The following ZNF16 variants were observed in gnomAD, a reference collection of about 807,000 sequenced individuals.
ZNF16 encodes the protein zinc finger protein 16, also known as zinc finger protein KOX9.
Under a neutral mutation model 9.0 loss-of-function variants are expected in ZNF16, and 7 were observed. The ratio of observed to expected loss-of-function variants is 0.78; its 90% CI spans 0.44 to 1.47. The LOEUF (loss-of-function observed/expected upper bound fraction) is 1.47. Among genes scored for constraint, ZNF16 ranks in the 40% most tolerant of loss-of-function variants. ZNF16 has a pLI of 0.01. For synonymous variants in ZNF16, 312 were observed against 301.5 expected (o/e 1.03, Z -0.36); for missense variants, 830 against 854.2 (o/e 0.97, Z 0.35).
chr8:144,945,984 A>T, intron 2 of ZNF16, 27 bp downstream of exon 2: 2 of 1,611,902 alleles, frequency 1.2e-6, no homozygotes, highest in Non-Finnish European at 1.7e-6. Flanking sequence ...GAATAAGGGC[A>T]CCAGCGGAGA....
chr8:144,950,193 C>CT (rs1011638063), intron 1 of ZNF16, among the ~76,000 whole-genome samples: 44 of 149,726 alleles, frequency 2.9e-4, no homozygotes, highest in South Asian at 6.3e-4. Flanking sequence ...TGCTCACATG[C>CT]TTTTTTTTGC....
Position 144,932,692 on chromosome 8 carries a change from G to A in ZNF16, c.197-102C>T. ...CCACTAACTGTGGAGGAGGCAAGGG[G>A]AGCAGGGGATCCTCTGGGGTGGCAG... On this transcript the variant is annotated intron_variant, in intron 2 of 2. Transcript: ENST00000394909. The surrounding 1 kb of genome is among the most constrained non-coding windows in gnomAD (Gnocchi z 5.0). 2.3e-6 allele frequency: 3 copies of A among 1,284,712 alleles called. No individual in the cohort carries two copies. The allele number at this position is 1,284,712 out of a possible 1,614,324, so 79.6% of individuals were successfully genotyped here.
At chr8:144,943,381 A>G (rs1429343408) in intron 2 of ZNF16, among the ~76,000 whole-genome samples, 2 of 152,102 alleles carry the variant, frequency 1.3e-5, no homozygotes, top group African/African-American at 4.8e-5. Context: ...CATGTCTTTC[A>G]TCACATTGGG....
intron 1 of ZNF16, 82 bp from the exon 2 acceptor site, chr8:144,946,297 C>G: frequency 1.5e-6 from 2 of 1,301,144 alleles, no homozygotes; most frequent in Non-Finnish European, 2.0e-6. Flanking sequence ...GGGGTCTCTT[C>G]CTCCACCCCT....
rs777955373 is a variant in ZNF16, at chr8:144,930,981, G to C, written c.1806C>G (p.Thr602=). 17 of 1,614,002 alleles carry C rather than the reference G, an allele frequency of 1.1e-5. No individual in the cohort carries two copies. Among genetic ancestry groups the C allele is most frequent in the Admixed American group, 1.0e-4 (6 of 60,008 alleles). ...TGAAGCCCTTACCACATTCAACACA[G>C]GTGTAGGGTTTTTCCCCAGTATGAA... ...QKVHTGEKPY[T]CVECGKGFSQ... Residue 602 remains threonine (T), a synonymous_variant, in exon 3 of 3, where the codon ACC becomes ACG. Coordinates refer to ENST00000394909, the MANE Select transcript of ZNF16 (RefSeq NM_006958.3).
chr8:144,937,718 AT>A (rs1833716919), intron 2 of ZNF16, among the ~76,000 whole-genome samples: 3 of 152,236 alleles, frequency 2.0e-5, no homozygotes, highest in Middle Eastern at 3.4e-3. Flanking sequence ...TTGCTTTGCT[AT>A]TCAAGCTGGA....
Position 144,941,858 on chromosome 8 carries a change from CTG to C in ZNF16, c.196+4151_196+4152del, listed in dbSNP as rs1458270577. 3.4e-4 allele frequency among the ~76,000 whole-genome samples: 52 copies of C among 151,228 alleles called. 1 individual carries two copies. The South Asian group carries it at 0.01, about 30-fold the overall frequency. On this transcript the variant is annotated intron_variant, in intron 2 of 2. Transcript: ENST00000394909. Reference sequence around the variant, plus strand: ...TATTTTTAGTAGAGATGGGGTTTCACTGTGTTGGCCAGGATGGTCTCAATCTC... The same window carrying C: ...TATTTTTAGTAGAGATGGGGTTTCACTGTTGGCCAGGATGGTCTCAATCTC...
chr8:144,947,397 C>CTG, intron 1 of ZNF16, among the ~76,000 whole-genome samples: 1 of 150,872 alleles, frequency 6.6e-6, no homozygotes, highest in African/African-American at 2.4e-5. Context: ...TGCTGTGGGC[C>CTG]TGTATCCTGC....
chr8:144,932,640 C>A lies in ZNF16; in HGVS notation c.197-50G>T. The A allele has an allele frequency of 6.4e-7, 1 of 1,570,752 alleles. No homozygotes were observed. Among genetic ancestry groups the A allele is most frequent in the Non-Finnish European group, 8.6e-7 (1 of 1,157,670 alleles). The stretch of plus-strand genomic sequence containing the variant: ...TTGGAAGGCAGTGCTGCAGCAGGAG[C>A]AGGAACATAGACAGTCACAGTTGCA... On this transcript the variant is annotated intron_variant, in intron 2 of 2. Transcript: ENST00000394909. This position sits in a 1 kb window ranked among gnomAD's most constrained non-coding sequence, Gnocchi z 5.0.
chr8:144,935,579 T>C (rs1166896564), intron 2 of ZNF16, among the ~76,000 whole-genome samples: 1 of 152,198 alleles, frequency 6.6e-6, no homozygotes, highest in Admixed American at 6.5e-5. Flanking sequence ...GCAAATACAG[T>C]TGCTTGCACT....
At chr8:144,938,270 T>C (rs894272481) in intron 2 of ZNF16, among the ~76,000 whole-genome samples, 1 of 152,244 alleles carries the variant, frequency 6.6e-6, no homozygotes, top group Admixed American at 6.5e-5. Context: ...TTCATATGAA[T>C]TTGAGGATCG....
chr8:144,943,143 T>C lies in ZNF16; in HGVS notation c.196+2868A>G, dbSNP rs60590712. ...AGAATTCTTAGTTGACAGGTTTTTTTCCCCCTCTTAGCAGTTTAACTAAGC... is the reference window on the plus strand; with the variant it reads ...AGAATTCTTAGTTGACAGGTTTTTTCCCCCCTCTTAGCAGTTTAACTAAGC... On this transcript the variant is annotated intron_variant, in intron 2 of 2. Transcript: ENST00000394909. Among the ~76,000 whole-genome samples the C allele has an allele frequency of 8.9e-3, 1,356 of 152,296 alleles. 23 individuals carry two copies. The highest frequency in any genetic ancestry group is 0.03 in the African/African-American group (1,246 of 41,556).
intron 2 of ZNF16, among the ~76,000 whole-genome samples, chr8:144,936,719 A>ATTTG (rs1833690521): frequency 1.1e-5 from 1 of 89,772 alleles, no homozygotes; most frequent in African/African-American, 3.6e-5. Context: ...TTTGCCCCTT[A>ATTTG]TTTATTTATT....
rs565664809 is a variant in ZNF16, at chr8:144,932,801, G to C, written c.197-211C>G. 6.6e-6 allele frequency among the ~76,000 whole-genome samples: 1 copy of C among 152,078 alleles called. No individual in the cohort carries two copies. The highest frequency in any genetic ancestry group is 1.5e-5 in the Non-Finnish European group (1 of 68,008). On this transcript the variant is annotated intron_variant, in intron 2 of 2. Coordinates refer to ENST00000394909, the MANE Select transcript of ZNF16 (RefSeq NM_006958.3). The surrounding 1 kb of genome is among the most constrained non-coding windows in gnomAD (Gnocchi z 5.0). Reference sequence around the variant, plus strand: ...GGGCTGCAGATGAGTGAGAGCTCTTGATGACCACGGACCCACCCTCCCTGG... The same window carrying C: ...GGGCTGCAGATGAGTGAGAGCTCTTCATGACCACGGACCCACCCTCCCTGG...
intron 2 of ZNF16, chr8:144,944,429 T>C (rs968992742): frequency 2.2e-4 from 33 of 151,284 alleles, no homozygotes; most frequent in African/African-American, 7.8e-4. Flanking sequence ...TGGTGCTGGG[T>C]TACAGGCGTG....
At chr8:144,935,100 T>A (rs1464086510) in intron 2 of ZNF16, among the ~76,000 whole-genome samples, 1 of 152,162 alleles carries the variant, frequency 6.6e-6, no homozygotes, top group Non-Finnish European at 1.5e-5. Flanking sequence ...TTTGGACTGA[T>A]TAAATTCAAT....
At chr8:144,938,733 T>G (rs74540590) in intron 2 of ZNF16, among the ~76,000 whole-genome samples, 3,117 of 152,298 alleles carry the variant, frequency 0.02, 104 homozygotes, top group African/African-American at 0.07. Context: ...CTGGATGTCT[T>G]TTATTTCTTT....
chr8:144,935,097 T>C (rs1210175111), intron 2 of ZNF16, among the ~76,000 whole-genome samples: 1 of 152,180 alleles, frequency 6.6e-6, no homozygotes, highest in Non-Finnish European at 1.5e-5. Flanking sequence ...CTTTTTGGAC[T>C]GATTAAATTC....
chr8:144,933,349 C>T lies in ZNF16; in HGVS notation c.197-759G>A, dbSNP rs1219821079. ...AGCCACCTGTACCTCTGAAAACCCA[C>T]AATTCTGACTGGTGTTTGCGGATGA... On this transcript the variant is annotated intron_variant, in intron 2 of 2. Transcript: ENST00000394909. The surrounding 1 kb of genome is among the most constrained non-coding windows in gnomAD (Gnocchi z 5.6). Among the ~76,000 whole-genome samples the T allele has an allele frequency of 6.6e-6, 1 of 152,178 alleles. No homozygotes were observed. The highest frequency in any genetic ancestry group is 1.5e-5 in the Non-Finnish European group (1 of 68,028).
Sources: allele counts gnomAD v4.1 joint callset (sites outside exome capture counted in the v4.1 genomes callset), GRCh38; gene constraint gnomAD v4.1.1; non-coding constraint Gnocchi (gnomAD v3.1); transcripts MANE v1.5; gene names NCBI Gene and HGNC (gene_info 2026-07-23, HGNC 2026-07-21).